The following AMPH variants were observed in gnomAD, a reference collection of about 807,000 sequenced individuals.
The protein encoded by AMPH is amphiphysin, also known as amphiphysin (Stiff-Mann syndrome with breast cancer 128kD autoantigen).
Under a neutral mutation model 99.1 loss-of-function variants are expected in AMPH, and 49 were observed. The observed-to-expected ratio is 0.49, with a 90% CI of 0.39 to 0.63. The LOEUF is 0.63. Ranked by LOEUF, AMPH falls within the 20% of genes least tolerant of loss-of-function variation. The probability of loss-of-function intolerance (pLI) is 0.00; values close to 1 mark genes in which losing one functional copy is unlikely to be tolerated. For missense variants in AMPH, 759 were observed against 863.4 expected (o/e 0.88, Z 1.52); for synonymous variants, 314 against 317.3 (o/e 0.99, Z 0.11).
chr7:38,630,109 G>A (rs892532966), intron 1 of AMPH, among the ~76,000 whole-genome samples: 1 of 152,114 alleles, frequency 6.6e-6, no homozygotes, highest in African/African-American at 2.4e-5. Flanking sequence ...TTGCCATCCT[G>A]AGCAACATGG....
At chr7:38,530,584 C>T (rs1282966828) in intron 2 of AMPH, among the ~76,000 whole-genome samples, 2 of 152,186 alleles carry the variant, frequency 1.3e-5, no homozygotes, top group Non-Finnish European at 2.9e-5. Context: ...TATCTGGGCT[C>T]AACCAGCCCT....
chr7:38,511,294 C>T (rs780492752), intron 2 of AMPH, among the ~76,000 whole-genome samples: 28 of 152,270 alleles, frequency 1.8e-4, no homozygotes, highest in Middle Eastern at 3.4e-3. Context: ...ATACTGCAAA[C>T]GAATATCTTC....
At chr7:38,461,896 T>A (rs1175502324) in intron 10 of AMPH, among the ~76,000 whole-genome samples, 2 of 152,264 alleles carry the variant, frequency 1.3e-5, no homozygotes. Context: ...AATGCATGTA[T>A]CTTCCCAAGA....
At chr7:38,459,794 T>G (rs1787370852) in intron 11 of AMPH, among the ~76,000 whole-genome samples, 1 of 151,956 alleles carries the variant, frequency 6.6e-6, no homozygotes, top group Admixed American at 6.6e-5. Context: ...GAAAATTGCA[T>G]GGGTAAGACC....
At chr7:38,566,319 G>C (rs199656524) in intron 1 of AMPH, among the ~76,000 whole-genome samples, 4 of 143,824 alleles carry the variant, frequency 2.8e-5, no homozygotes, top group East Asian at 2.0e-4. Flanking sequence ...TTTTTTTTTT[G>C]TTTTGAGACA....
chr7:38,444,316 T>C (rs1185743115), intron 11 of AMPH, among the ~76,000 whole-genome samples: 2 of 152,126 alleles, frequency 1.3e-5, no homozygotes, highest in Admixed American at 1.3e-4. Context: ...CCAAATTTCA[T>C]GCCTATCTGG....
chr7:38,533,952 A>T (rs1790504037), intron 2 of AMPH, among the ~76,000 whole-genome samples: 1 of 152,196 alleles, frequency 6.6e-6, no homozygotes, highest in Non-Finnish European at 1.5e-5. Context: ...TTAGAGATCA[A>T]GACATAGTTT....
At chr7:38,601,237 C>A (rs923400472) in intron 1 of AMPH, among the ~76,000 whole-genome samples, 1 of 152,200 alleles carries the variant, frequency 6.6e-6, no homozygotes, top group Non-Finnish European at 1.5e-5. Flanking sequence ...GGCCCTTCTT[C>A]GCTACTGCAA....
chr7:38,406,728 T>C (rs62446764), intron 17 of AMPH, among the ~76,000 whole-genome samples: 7,539 of 52,204 alleles, frequency 0.14, 394 homozygotes, highest in East Asian at 0.24. Context: ...CTCTCTCCCT[T>C]TCCCTCTCTC....
intron 1 of AMPH, among the ~76,000 whole-genome samples, chr7:38,610,034 C>T (rs1315952280): frequency 5.3e-5 from 8 of 151,116 alleles, no homozygotes; most frequent in African/African-American, 1.2e-4. Flanking sequence ...GTCGGGAGTT[C>T]GAGACCAGCC....
At chr7:38,527,070 A>T (rs1022186144) in intron 2 of AMPH, among the ~76,000 whole-genome samples, 2 of 152,204 alleles carry the variant, frequency 1.3e-5, no homozygotes, top group African/African-American at 4.8e-5. Context: ...CCAGTTGAGC[A>T]TATTTGTGTG....
At chr7:38,412,196 A>G (rs1785235818) in intron 17 of AMPH, among the ~76,000 whole-genome samples, 1 of 152,222 alleles carries the variant, frequency 6.6e-6, no homozygotes, top group African/African-American at 2.4e-5. Flanking sequence ...ACTAAGTGCC[A>G]GTTAATTGTT....
At chr7:38,550,741 C>T (rs142029183) in intron 1 of AMPH, among the ~76,000 whole-genome samples, 17 of 152,220 alleles carry the variant, frequency 1.1e-4, no homozygotes, top group Non-Finnish European at 2.4e-4. Context: ...AAGCAGAGGA[C>T]GGAAATATTT....
At chr7:38,562,596 C>T (rs1791593101) in intron 1 of AMPH, among the ~76,000 whole-genome samples, 1 of 150,878 alleles carries the variant, frequency 6.6e-6, no homozygotes, top group African/African-American at 2.4e-5. Context: ...GTCTCAGCCT[C>T]TGAGGCAATA....
chr7:38,527,378 C>T (rs1790227246), intron 2 of AMPH, among the ~76,000 whole-genome samples: 1 of 152,184 alleles, frequency 6.6e-6, no homozygotes, highest in South Asian at 2.1e-4. Context: ...GGCTTCAAAT[C>T]CATGAATATA....
intron 2 of AMPH, among the ~76,000 whole-genome samples, chr7:38,527,945 T>A (rs898331046): frequency 2.6e-5 from 4 of 152,214 alleles, no homozygotes; most frequent in Non-Finnish European, 5.9e-5. Context: ...CTGGGCATTT[T>A]TATTGTGGAG....
chr7:38,445,598 C>T (rs1786746243), intron 11 of AMPH, among the ~76,000 whole-genome samples: 1 of 152,150 alleles, frequency 6.6e-6, no homozygotes, highest in Non-Finnish European at 1.5e-5. Context: ...AAGTTTTTAA[C>T]AGGCACTTCA....
intron 1 of AMPH, among the ~76,000 whole-genome samples, chr7:38,552,014 A>C (rs558458658): frequency 6.6e-6 from 1 of 152,348 alleles, no homozygotes; most frequent in African/African-American, 2.4e-5. Context: ...ACAAAAGATA[A>C]AAAGTGTACA....
At chr7:38,569,096 T>G (rs1035533042) in intron 1 of AMPH, among the ~76,000 whole-genome samples, 1 of 152,230 alleles carries the variant, frequency 6.6e-6, no homozygotes, top group East Asian at 1.9e-4. Flanking sequence ...GTTTTAACAT[T>G]ACACTTTTAA....
Sources: gnomAD v4.1 joint callset for allele counts (sites outside exome capture counted in the v4.1 genomes callset) on GRCh38, gnomAD v4.1.1 for gene constraint, MANE v1.5 for transcripts, NCBI Gene and HGNC (gene_info 2026-07-23, HGNC 2026-07-21) for gene names.